Variants in CLIP2 observed in about 807,000 individuals in gnomAD.
CLIP2 encodes the protein CAP-Gly domain-containing linker protein 2.
In CLIP2, 41 loss-of-function variants were observed where a neutral mutation model predicts 111.7. The ratio of observed to expected loss-of-function variants is 0.37; its 90% CI spans 0.29 to 0.48. The LOEUF is 0.48. Among genes scored for constraint, CLIP2 ranks in the 20% least tolerant of loss-of-function variants. The pLI is 0.99. For synonymous variants in CLIP2, 660 were observed against 644.2 expected (o/e 1.02, Z -0.37); for missense variants, 1,160 against 1,422.1 (o/e 0.82, Z 2.96).
Position 74,338,464 on chromosome 7 carries a change from A to T in CLIP2, c.138A>T (p.Lys46Asn). Residue 46 changes from lysine to asparagine, a missense_variant, in exon 3 of 17, where the codon AAA becomes AAT. Around this residue, in one of 5 missense-constraint regions of CLIP2, gnomAD observed 301 missense variants for 315.2 expected, o/e 0.96. Transcript: ENST00000223398. The surrounding 1 kb of genome is among the most constrained non-coding windows in gnomAD (Gnocchi z 4.3). Reference protein sequence around the residue: ...ASSKEGSPLHKQSSGPSSSPA... With the variant: ...ASSKEGSPLHNQSSGPSSSPA... ...TCTCTGCAGGCTCCCCACTGCACAAACAGTCATCTGGACCCTCCTCCTCCC... is the reference window on the plus strand; with the variant it reads ...TCTCTGCAGGCTCCCCACTGCACAATCAGTCATCTGGACCCTCCTCCTCCC... The T allele has an allele frequency of 6.2e-7, 1 of 1,612,656 alleles. No homozygotes were observed. Among genetic ancestry groups the T allele is most frequent in the Non-Finnish European group, 8.5e-7 (1 of 1,179,724 alleles).
chr7:74,375,581 C>T (rs1790751580), intron 9 of CLIP2, among the ~76,000 whole-genome samples: 1 of 133,994 alleles, frequency 7.5e-6, no homozygotes, highest in African/African-American at 2.7e-5. Context: ...AAAGCTGTAA[C>T]CTCAAATAGG....
At chr7:74,309,568 A>G (rs957966332) in intron 1 of CLIP2, among the ~76,000 whole-genome samples, 1 of 151,946 alleles carries the variant, frequency 6.6e-6, no homozygotes, top group Non-Finnish European at 1.5e-5. Flanking sequence ...TGTTTTAAAC[A>G]TTCATCCGGC....
intron 2 of CLIP2, among the ~76,000 whole-genome samples, chr7:74,320,731 G>A (rs1788926788): frequency 6.6e-6 from 1 of 152,128 alleles, no homozygotes; most frequent in African/African-American, 2.4e-5. Context: ...CTTCCTGGAA[G>A]AAGCGTGAAT....
intron 3 of CLIP2, among the ~76,000 whole-genome samples, chr7:74,341,312 C>G (rs1233571452): frequency 6.6e-6 from 1 of 152,080 alleles, no homozygotes; most frequent in South Asian, 2.1e-4. Flanking sequence ...CTCAGCCTCC[C>G]GAGTAGCTGG....
rs781904230 is a variant in CLIP2, at chr7:74,404,632, C to G, written c.*784C>G. 7 of 152,684 alleles carry G rather than the reference C, an allele frequency of 4.6e-5. No individual in the cohort carries two copies. The highest frequency in any genetic ancestry group is 1.7e-4 in the African/African-American group (7 of 41,432). The allele number at this position is 152,684 out of a possible 1,614,324, so 9.5% of individuals were successfully genotyped here. A position where few individuals can be genotyped will look rare whatever the true frequency, so the allele number is the denominator to read the frequency against. On this transcript the variant is annotated 3_prime_UTR_variant, in exon 17 of 17. Transcript: ENST00000223398. ...ACCTCCCACCGTGACCTTGGGCAAA[C>G]CCTGGCTCGGAGCCCAGGGCAGAGG... is the stretch of plus-strand genomic sequence containing the variant.
At chr7:74,318,035 T>C (rs1028702891) in intron 2 of CLIP2, among the ~76,000 whole-genome samples, 2 of 151,572 alleles carry the variant, frequency 1.3e-5, no homozygotes, top group Non-Finnish European at 2.9e-5. Flanking sequence ...CCATCTCTAC[T>C]AAAAATACAA....
chr7:74,388,033 C>G (rs782661409), intron 12 of CLIP2, among the ~76,000 whole-genome samples: 6 of 151,960 alleles, frequency 3.9e-5, no homozygotes, highest in Non-Finnish European at 8.8e-5. Flanking sequence ...ATGAAACATA[C>G]AAAAATTTGG....
chr7:74,346,734 A>AC (rs1284027645), intron 3 of CLIP2, among the ~76,000 whole-genome samples: 6 of 61,962 alleles, frequency 9.7e-5, no homozygotes, highest in African/African-American at 1.9e-4. Context: ...AAAAAAAAAA[A>AC]AAAAAAAACA....
Position 74,329,087 on chromosome 7 carries a change from G to GTT in CLIP2, c.122-9342_122-9341dup, listed in dbSNP as rs35692014. 6.8e-3 allele frequency among the ~76,000 whole-genome samples: 752 copies of GTT among 111,062 alleles called. 7 individuals carry two copies. The highest frequency in any genetic ancestry group is 8.0e-3 in the East Asian group (30 of 3,756). The allele number at this position is 111,062 out of a possible 152,430, so 72.9% of individuals were successfully genotyped here. ...CATGCCTGGCTAATTTTTTTTTTTG[G>GTT]TTTTTTTTTTTTTTTTTTTTAGTAG... is the stretch of plus-strand genomic sequence containing the variant. On this transcript the variant is annotated intron_variant, in intron 2 of 16. Coordinates refer to ENST00000223398, the MANE Select transcript of CLIP2 (RefSeq NM_003388.5).
rs559014460 is a variant in CLIP2 at position 74,330,199 on chromosome 7, G to C, written c.122-8249G>C. Among the ~76,000 whole-genome samples the C allele has an allele frequency of 1.9e-4, 28 of 151,080 alleles. 1 individual carries two copies. Among genetic ancestry groups the C allele is most frequent in the Non-Finnish European group, 3.1e-4 (21 of 67,912 alleles). On this transcript the variant is annotated intron_variant, in intron 2 of 16. Coordinates refer to ENST00000223398, the MANE Select transcript of CLIP2 (RefSeq NM_003388.5). ...CTGCCTCAGCCTCCTCAGTAGCTGG[G>C]ACTACAGGCTTGAGCCACTGTGCCT...
At chr7:74,316,680 A>G (rs1276009352) in intron 1 of CLIP2, among the ~76,000 whole-genome samples, 1 of 139,814 alleles carries the variant, frequency 7.2e-6, no homozygotes, top group Admixed American at 7.2e-5. Flanking sequence ...TTGTGCCTCA[A>G]CCTCCCGAGT....
At chr7:74,397,276 G>A (rs782591170) in intron 14 of CLIP2, 43 bp downstream of exon 14, 33 of 1,588,312 alleles carry the variant, frequency 2.1e-5, no homozygotes, top group Admixed American at 1.0e-4. Context: ...GCACTAGTCC[G>A]GGTGGGGCTG....
chr7:74,376,799 C>G lies in CLIP2; in HGVS notation c.2398C>G (p.Leu800Val). Residue 800 changes from leucine (L) to valine (V), a missense_variant, in exon 10 of 17, where the codon CTG becomes GTG. Coordinates refer to ENST00000223398, the MANE Select transcript of CLIP2 (RefSeq NM_003388.5). This position sits in a 1 kb window ranked among gnomAD's most constrained non-coding sequence, Gnocchi z 7.1. ...GAACAGACTCCAGGCGGTCGAGGCCCTGTGCTCCTCCCAGCACACCCACGT... is the reference window on the plus strand; with the variant it reads ...GAACAGACTCCAGGCGGTCGAGGCCGTGTGCTCCTCCCAGCACACCCACGT... ...AENRLQAVEA[L>V]CSSQHTHMIE... 6.2e-7 allele frequency: 1 copy of G among 1,602,736 alleles called. No individual in the cohort carries two copies. Among genetic ancestry groups the G allele is most frequent in the Non-Finnish European group, 8.5e-7 (1 of 1,175,476 alleles).
At chr7:74,325,219 G>A (rs184035324) in intron 2 of CLIP2, among the ~76,000 whole-genome samples, 9 of 152,318 alleles carry the variant, frequency 5.9e-5, no homozygotes, top group Admixed American at 5.2e-4. Flanking sequence ...TGCCACACAG[G>A]GAGCAGCATT....
At chr7:74,340,764 A>C (rs1320338889) in intron 3 of CLIP2, among the ~76,000 whole-genome samples, 1 of 152,070 alleles carries the variant, frequency 6.6e-6, no homozygotes. Flanking sequence ...GGTACAGGGA[A>C]GGCCCTGACA....
chr7:74,336,285 C>T (rs562650402), intron 2 of CLIP2, among the ~76,000 whole-genome samples: 1 of 152,132 alleles, frequency 6.6e-6, no homozygotes. Flanking sequence ...CCAGGCTGGT[C>T]TCGAACTCCT....
intron 1 of CLIP2, among the ~76,000 whole-genome samples, chr7:74,298,083 G>A (rs1309819689): frequency 1.3e-5 from 2 of 151,888 alleles, no homozygotes; most frequent in Non-Finnish European, 2.9e-5. Context: ...CAGTGCCCAC[G>A]CTTGCAATCT....
chr7:74,351,119 GAGAGAGAGAAAGAA>G (rs1299718153), intron 3 of CLIP2, among the ~76,000 whole-genome samples: 65 of 147,516 alleles, frequency 4.4e-4, no homozygotes, highest in African/African-American at 1.6e-3. Context: ...AGGGAAGAAA[GAGAGAGAGAAAGAA>G]AGAGAGAGAG....
At chr7:74,293,605 G>T (rs1459613495) in intron 1 of CLIP2, among the ~76,000 whole-genome samples, 3 of 152,206 alleles carry the variant, frequency 2.0e-5, no homozygotes, top group African/African-American at 7.2e-5. Context: ...TTGGTTGGCT[G>T]CATTGATGAT....
Sources: gnomAD v4.1 joint callset for allele counts (sites outside exome capture counted in the v4.1 genomes callset) on GRCh38, gnomAD v4.1.1 for gene constraint, gnomAD v4.1.1 regional missense constraint, Gnocchi (gnomAD v3.1) non-coding constraint, MANE v1.5 for transcripts, NCBI Gene and HGNC (gene_info 2026-07-23, HGNC 2026-07-21) for gene names.